DYNC1I1: variants seen among roughly 807,000 people sequenced by gnomAD.
The protein encoded by DYNC1I1 is cytoplasmic dynein 1 intermediate chain 1.
DYNC1I1 carries 43 observed loss-of-function variants against 86.6 expected under a neutral mutation model. The ratio of observed to expected loss-of-function variants is 0.50; its 90% confidence interval spans 0.39 to 0.64. DYNC1I1 has a LOEUF of 0.64. Ranked by LOEUF, DYNC1I1 falls within the 30% of genes least tolerant of loss-of-function variation. The probability of loss-of-function intolerance (pLI) is 0.00; values close to 1 mark genes in which losing one functional copy is unlikely to be tolerated. For synonymous variants in DYNC1I1, 262 were observed against 283.7 expected (o/e 0.92, Z 0.77); for missense variants, 604 against 788.8 (o/e 0.77, Z 2.81).
intron 14 of DYNC1I1, among the ~76,000 whole-genome samples, chr7:96,048,517 CTG>C (rs2116089156): frequency 6.6e-6 from 1 of 152,278 alleles, no homozygotes; most frequent in South Asian, 2.1e-4. Flanking sequence ...GTCAAAAACT[CTG>C]GGGATGGGAG....
intron 10 of DYNC1I1, among the ~76,000 whole-genome samples, chr7:95,999,484 C>A (rs1329635223): frequency 6.6e-6 from 1 of 152,130 alleles, no homozygotes; most frequent in East Asian, 1.9e-4. Context: ...TATCAGCTAA[C>A]CTCGTTTGTG....
Position 95,980,438 on chromosome 7 carries a change from C to A in DYNC1I1, c.580+2837C>A, listed in dbSNP as rs193236480. Among the ~76,000 whole-genome samples, 3 of 150,020 alleles carry A rather than the reference C, an allele frequency of 2.0e-5. No homozygotes were observed. In the Admixed American group the frequency reaches 2.0e-4, roughly 10 times the overall value. On this transcript the variant is annotated intron_variant, in intron 7 of 16. Coordinates refer to ENST00000447467, the MANE Select transcript of DYNC1I1 (RefSeq NM_001135556.2). ...GTCAGCACTTCCATTACGAACCTTG[C>A]GTTTCAAGGATTTATTACTCAGCCA...
chr7:95,986,267 T>C (rs1251662879), intron 8 of DYNC1I1, among the ~76,000 whole-genome samples: 1 of 152,158 alleles, frequency 6.6e-6, no homozygotes, highest in Non-Finnish European at 1.5e-5. Flanking sequence ...GAAGAATTTC[T>C]GAACCAAAGC....
intron 16 of DYNC1I1, among the ~76,000 whole-genome samples, chr7:96,106,527 C>T (rs905932885): frequency 5.3e-5 from 8 of 151,820 alleles, no homozygotes; most frequent in African/African-American, 1.9e-4. Context: ...AAGAGCGAAA[C>T]CCTGTCTCAA....
chr7:95,793,986 C>T (rs748699294), intron 1 of DYNC1I1, among the ~76,000 whole-genome samples: 2 of 152,146 alleles, frequency 1.3e-5, no homozygotes, highest in Admixed American at 6.5e-5. Flanking sequence ...AACCTCTAGG[C>T]GCACAGATGC....
At chr7:95,805,082 C>A (rs1000763307) in intron 2 of DYNC1I1, among the ~76,000 whole-genome samples, 8 of 152,162 alleles carry the variant, frequency 5.3e-5, no homozygotes, top group African/African-American at 1.9e-4. Context: ...AGGCTTATCA[C>A]AGACTTGAAG....
chr7:95,873,060 G>T (rs1584114409), intron 6 of DYNC1I1, among the ~76,000 whole-genome samples: 1 of 152,190 alleles, frequency 6.6e-6, no homozygotes, highest in Admixed American at 6.5e-5. Flanking sequence ...TAATCTGCTG[G>T]AAAGATGCAA....
intron 6 of DYNC1I1, among the ~76,000 whole-genome samples, chr7:95,972,071 G>A (rs117853366): frequency 1.3e-5 from 2 of 152,238 alleles, no homozygotes; most frequent in South Asian, 2.1e-4. Flanking sequence ...CAGTGGACTC[G>A]TAAAACACAA....
At chr7:95,930,286 G>A (rs117962533) in intron 6 of DYNC1I1, among the ~76,000 whole-genome samples, 1 of 152,144 alleles carries the variant, frequency 6.6e-6, no homozygotes, top group Non-Finnish European at 1.5e-5. Context: ...CTAATGATTG[G>A]GGTGGCATTA....
chr7:95,967,560 C>T (rs1793048690), intron 6 of DYNC1I1, among the ~76,000 whole-genome samples: 1 of 152,174 alleles, frequency 6.6e-6, no homozygotes, highest in Admixed American at 6.5e-5. Context: ...TAAGGACCTC[C>T]CTTGCTCTCT....
chr7:95,780,846 G>A (rs2115648451), intron 1 of DYNC1I1, among the ~76,000 whole-genome samples: 1 of 152,246 alleles, frequency 6.6e-6, no homozygotes, highest in African/African-American at 2.4e-5. Flanking sequence ...TTTGGATGAT[G>A]GAAAAGGAAG....
intron 14 of DYNC1I1, among the ~76,000 whole-genome samples, chr7:96,058,704 A>T (rs1789658993): frequency 6.6e-6 from 1 of 152,024 alleles, no homozygotes. Context: ...GTGCGATCTC[A>T]GCTCACTGCA....
intron 6 of DYNC1I1, among the ~76,000 whole-genome samples, chr7:95,875,938 A>G (rs936215442): frequency 1.3e-5 from 2 of 152,134 alleles, no homozygotes; most frequent in Non-Finnish European, 2.9e-5. Flanking sequence ...AGCCCATGCC[A>G]TGCCTTTATC....
At chr7:96,029,909 TA>T (rs552008387) in intron 11 of DYNC1I1, among the ~76,000 whole-genome samples, 497 of 134,388 alleles carry the variant, frequency 3.7e-3, no homozygotes, top group Admixed American at 3.9e-3. Context: ...AGACTTCCTC[TA>T]AAAAAAAAAA....
chr7:95,868,860 C>CA (rs1387569927), intron 5 of DYNC1I1, among the ~76,000 whole-genome samples: 1 of 152,134 alleles, frequency 6.6e-6, no homozygotes, highest in Non-Finnish European at 1.5e-5. Flanking sequence ...AGATGAGACA[C>CA]ACGCTGGTAA....
rs374188580 is a variant in DYNC1I1 at position 95,888,569 on chromosome 7, T to G, written c.490+18571T>G. Among the ~76,000 whole-genome samples, 10 of 152,260 alleles carry G rather than the reference T, an allele frequency of 6.6e-5. No homozygotes were observed. The South Asian group carries it at 1.0e-3, about 16-fold the overall frequency. ...CATTGACCACCACAGAGAAAAGTGC[T>G]CATATGCATGTGTATGTTGTGTGTG... On this transcript the variant is annotated intron_variant, in intron 6 of 16. Coordinates refer to ENST00000447467, the MANE Select transcript of DYNC1I1 (RefSeq NM_001135556.2).
At chr7:96,105,318 C>A (rs913155481) in intron 16 of DYNC1I1, among the ~76,000 whole-genome samples, 1 of 151,130 alleles carries the variant, frequency 6.6e-6, no homozygotes, top group Admixed American at 6.6e-5. Context: ...TGTTTCTTTT[C>A]TTTTTTCTTT....
At chr7:95,846,581 T>G (rs1789431799) in intron 5 of DYNC1I1, among the ~76,000 whole-genome samples, 1 of 150,944 alleles carries the variant, frequency 6.6e-6, no homozygotes, top group Non-Finnish European at 1.5e-5. Context: ...TTCCCAGTAC[T>G]TGGAGAAAAA....
chr7:96,015,596 C>T (rs1794381564), intron 10 of DYNC1I1, among the ~76,000 whole-genome samples: 1 of 152,120 alleles, frequency 6.6e-6, no homozygotes. Flanking sequence ...AAAACCAGCT[C>T]AAGTTGAACT....
Sources: allele counts gnomAD v4.1 joint callset (sites outside exome capture counted in the v4.1 genomes callset), GRCh38; gene constraint gnomAD v4.1.1; transcripts MANE v1.5; gene names NCBI Gene and HGNC (gene_info 2026-07-23, HGNC 2026-07-21).